HPSE2: variants seen among roughly 807,000 people sequenced by gnomAD.
HPSE2 encodes the protein inactive heparanase-2.
A neutral mutation model predicts 60.5 loss-of-function variants in HPSE2; 38 were observed. The observed-to-expected ratio is 0.63, with a 90% confidence interval of 0.48 to 0.82. The LOEUF (loss-of-function observed/expected upper bound fraction) is 0.82, where lower values mean the gene tolerates loss of function less well. HPSE2 is among the 40% of genes least tolerant of loss of function. The pLI, the probability that HPSE2 is intolerant of heterozygous loss-of-function variation, is 0.00. For synonymous variants in HPSE2, 295 were observed against 293.2 expected (o/e 1.01, Z -0.06); for missense variants, 713 against 740.4 (o/e 0.96, Z 0.43).
At chr10:99,230,312 T>C (rs2133947156) in intron 2 of HPSE2, among the ~76,000 whole-genome samples, 1 of 152,268 alleles carries the variant, frequency 6.6e-6, no homozygotes, top group East Asian at 1.9e-4. Flanking sequence ...ACAGGAATAA[T>C]TGTAAATCCT....
chr10:99,065,833 A>G (rs1376060864), intron 3 of HPSE2, among the ~76,000 whole-genome samples: 1 of 152,198 alleles, frequency 6.6e-6, no homozygotes, highest in East Asian at 1.9e-4. Flanking sequence ...TGACCCTGAT[A>G]AGCAATGATG....
intron 3 of HPSE2, among the ~76,000 whole-genome samples, chr10:98,980,375 C>G (rs1420953222): frequency 6.6e-6 from 1 of 151,994 alleles, no homozygotes. Flanking sequence ...TTAAATTTAA[C>G]AGAGTGTAAT....
At chr10:98,480,295 G>C (rs61874872) in intron 11 of HPSE2, among the ~76,000 whole-genome samples, 12,699 of 151,924 alleles carry the variant, frequency 0.084, 622 homozygotes, top group African/African-American at 0.14. Context: ...TGTTGGCCAG[G>C]CTCATCTCGA....
At chr10:98,799,353 C>T (rs149799989) in intron 3 of HPSE2, among the ~76,000 whole-genome samples, 5 of 152,200 alleles carry the variant, frequency 3.3e-5, no homozygotes, top group Middle Eastern at 3.4e-3. Flanking sequence ...GACTTCAACA[C>T]CCCACTTTCA....
chr10:99,275,042 A>G, the HPSE2 span, among the ~76,000 whole-genome samples: 1 of 152,234 alleles, frequency 6.6e-6, no homozygotes, highest in Non-Finnish European at 1.5e-5. Flanking sequence ...CCTTCATTTT[A>G]CAGATGTAGA....
intron 5 of HPSE2, among the ~76,000 whole-genome samples, chr10:98,706,555 T>A (rs984190823): frequency 9.2e-5 from 14 of 152,270 alleles, no homozygotes; most frequent in Middle Eastern, 3.4e-3. Flanking sequence ...AGGACCTCAG[T>A]AAGAGGAGCA....
chr10:99,159,021 A>AT (rs1846709685), intron 2 of HPSE2, among the ~76,000 whole-genome samples: 1 of 152,086 alleles, frequency 6.6e-6, no homozygotes. Flanking sequence ...TTAGAGAGAA[A>AT]TTTTTATCTT....
chr10:98,980,057 AT>A (rs1956171684), intron 3 of HPSE2, among the ~76,000 whole-genome samples: 1 of 152,298 alleles, frequency 6.6e-6, no homozygotes, highest in African/African-American at 2.4e-5. Flanking sequence ...CATGTTTGTA[AT>A]TCCCCATAAG....
At chr10:99,136,746 T>C (rs935584962) in intron 3 of HPSE2, among the ~76,000 whole-genome samples, 4 of 152,120 alleles carry the variant, frequency 2.6e-5, no homozygotes, top group Non-Finnish European at 4.4e-5. Flanking sequence ...TATCTCAAAA[T>C]AATAAGAGCT....
chr10:98,489,846 T>C (rs1288333137), intron 10 of HPSE2, among the ~76,000 whole-genome samples: 1 of 152,250 alleles, frequency 6.6e-6, no homozygotes, highest in Non-Finnish European at 1.5e-5. Flanking sequence ...TGATTAATCC[T>C]CTAAGTATGA....
At chr10:98,947,592 T>C (rs1955225797) in intron 3 of HPSE2, among the ~76,000 whole-genome samples, 1 of 152,136 alleles carries the variant, frequency 6.6e-6, no homozygotes, top group Non-Finnish European at 1.5e-5. Context: ...TGCCATATTC[T>C]AGAATAAAAT....
intron 3 of HPSE2, among the ~76,000 whole-genome samples, chr10:98,760,740 T>C (rs1383128689): frequency 6.6e-6 from 1 of 152,172 alleles, no homozygotes; most frequent in African/African-American, 2.4e-5. Flanking sequence ...CCATCAGTGA[T>C]ACTTTCCTAT....
chr10:98,740,424 T>C (rs990277796), intron 4 of HPSE2, among the ~76,000 whole-genome samples: 1 of 152,096 alleles, frequency 6.6e-6, no homozygotes, highest in Admixed American at 6.6e-5. Context: ...CCTCCCATCT[T>C]GGCCTCCCAA....
intron 3 of HPSE2, among the ~76,000 whole-genome samples, chr10:99,114,314 C>CA (rs1007967550): frequency 1.3e-5 from 2 of 151,808 alleles, no homozygotes; most frequent in Admixed American, 1.3e-4. Flanking sequence ...AGTCACCGTC[C>CA]AAAAAAAATT....
intron 3 of HPSE2, among the ~76,000 whole-genome samples, chr10:98,837,716 T>TA (rs199928759): frequency 0.061 from 9,137 of 150,392 alleles, 883 homozygotes; most frequent in African/African-American, 0.21. Flanking sequence ...CTACTAAAAA[T>TA]AAAAAAAATT....
At chr10:98,656,553 T>A (rs1398737043) in intron 6 of HPSE2, among the ~76,000 whole-genome samples, 5 of 152,180 alleles carry the variant, frequency 3.3e-5, no homozygotes. Context: ...AGCATCCATG[T>A]CATCACATAA....
At chr10:98,911,168 G>A (rs1355949698) in intron 3 of HPSE2, among the ~76,000 whole-genome samples, 1 of 152,138 alleles carries the variant, frequency 6.6e-6, no homozygotes, top group Non-Finnish European at 1.5e-5. Flanking sequence ...GTAGTCTTGG[G>A]ATTGTATTTC....
intron 9 of HPSE2, among the ~76,000 whole-genome samples, chr10:98,602,416 T>C (rs2133945805): frequency 6.6e-6 from 1 of 152,300 alleles, no homozygotes; most frequent in East Asian, 1.9e-4. Context: ...TTGATTGAGC[T>C]GTGAGCAGCT....
chr10:98,614,966 GT>G lies in HPSE2; in HGVS notation c.1257del (p.Arg420GlyfsTer32). ...TATCCATGGTCAAAAAATGAGTGCC[GT>G]ATCACGACATCAATGCCCTGATTGG... is the stretch of plus-strand genomic sequence containing the variant. ...MLANQGIDVV[I>X]RHSFFDHGYN... is the part of the protein sequence containing the mutation. On this transcript the variant is annotated frameshift_variant, in exon 9 of 12. Coordinates refer to ENST00000370552, the MANE Select transcript of HPSE2 (RefSeq NM_021828.5). LOFTEE classifies it high-confidence loss of function. 6.2e-7 allele frequency: 1 copy of G among 1,613,986 alleles called. No homozygotes were observed. Among genetic ancestry groups the G allele is most frequent in the Non-Finnish European group, 8.5e-7 (1 of 1,179,944 alleles).
Sources: allele counts gnomAD v4.1 joint callset (sites outside exome capture counted in the v4.1 genomes callset), GRCh38; gene constraint gnomAD v4.1.1; transcripts MANE v1.5; gene names NCBI Gene and HGNC (gene_info 2026-07-23, HGNC 2026-07-21).